KCNQ3: variants seen among roughly 807,000 people sequenced by gnomAD.
KCNQ3 encodes potassium voltage-gated channel subfamily Q member 3.
KCNQ3 carries 30 observed loss-of-function variants against 92.5 expected under a neutral mutation model. That is an observed-to-expected ratio of 0.32 (90% CI 0.24 to 0.44). The LOEUF is 0.44. KCNQ3 is among the 20% of genes least tolerant of loss of function. KCNQ3 has a pLI of 1.00. For synonymous variants in KCNQ3, 450 were observed against 468.8 expected (o/e 0.96, Z 0.52); for missense variants, 913 against 1,140.3 (o/e 0.80, Z 2.87).
chr8:132,451,234 CTT>C (rs1004200041), intron 1 of KCNQ3, among the ~76,000 whole-genome samples: 17 of 152,322 alleles, frequency 1.1e-4, no homozygotes, highest in Admixed American at 9.8e-4. Flanking sequence ...TAAAACGTGA[CTT>C]TGCTTCTCCT....
Position 132,129,035 on chromosome 8 carries a change from T to A in KCNQ3, c.*227A>T, listed in dbSNP as rs1280573283. On this transcript the variant is annotated 3_prime_UTR_variant, in exon 15 of 15. Transcript: ENST00000388996. The surrounding 1 kb of genome is among the most constrained non-coding windows in gnomAD (Gnocchi z 5.9). ...ATCCTAGAAGAGATTAGCGGAACCA[T>A]TTATATAGTGTAAAGTCATGCAAAC... is the stretch of plus-strand genomic sequence containing the variant. The A allele has an allele frequency of 5.2e-6, 3 of 581,824 alleles. No homozygotes were observed. Among genetic ancestry groups the A allele is most frequent in the Admixed American group, 3.0e-5 (1 of 33,328 alleles). 36.0% of individuals were successfully genotyped at this position (581,824 alleles called of 1,614,324 possible).
At chr8:132,453,157 G>A (rs146135840) in intron 1 of KCNQ3, among the ~76,000 whole-genome samples, 274 of 152,290 alleles carry the variant, frequency 1.8e-3, no homozygotes, top group African/African-American at 6.3e-3. Flanking sequence ...ATGGTGATCT[G>A]GAGAGCAGAA....
At chr8:132,137,761 G>T in intron 12 of KCNQ3, 124 bp downstream of exon 12, 2 of 1,201,770 alleles carry the variant, frequency 1.7e-6, no homozygotes, top group Non-Finnish European at 1.2e-6. Flanking sequence ...AAGGCTTCGT[G>T]GATATTTGTC....
rs1826607048 is a variant in KCNQ3, at chr8:132,177,588, A to G, written c.778-1980T>C. Among the ~76,000 whole-genome samples, 4 of 152,192 alleles carry G rather than the reference A, an allele frequency of 2.6e-5. No individual in the cohort carries two copies. In the South Asian group the frequency reaches 6.2e-4, roughly 24 times the overall value. ...CATCGGATACACTGTAAGCCAGAAG[A>G]CGTCTAGGTTTTTGTGCTGGGTGGT... On this transcript the variant is annotated intron_variant, in intron 4 of 14. Transcript: ENST00000388996.
At chr8:132,146,881 C>CAAGCCTGGCTAATT (rs1825466210) in intron 9 of KCNQ3, among the ~76,000 whole-genome samples, 1 of 152,164 alleles carries the variant, frequency 6.6e-6, no homozygotes, top group African/African-American at 2.4e-5. Context: ...TAGTTTCAAA[C>CAAGCCTGGCTAATT]TCTTGAGCTC....
At position 132,218,591 on chromosome 8, in the gene KCNQ3, C is replaced by A. The variant is rs1814118059; in HGVS notation, c.387-32410G>T. ...ACAAATACCTGGAAAGTTTTATTAT[C>A]CCCATTTTACAGGTGAGAAAAACTA... On this transcript the variant is annotated intron_variant, in intron 1 of 14. Coordinates refer to ENST00000388996, the MANE Select transcript of KCNQ3 (RefSeq NM_004519.4). Among the ~76,000 whole-genome samples the A allele has an allele frequency of 2.6e-5, 4 of 152,124 alleles. No individual in the cohort carries two copies. In the South Asian group the frequency reaches 8.3e-4, roughly 32 times the overall value.
At position 132,480,380 on chromosome 8, in the gene KCNQ3, C is replaced by T. The variant is rs1405186695; in HGVS notation, c.153G>A (p.Glu51=). 1.3e-6 allele frequency: 2 copies of T among 1,565,844 alleles called. No homozygotes were observed. Among genetic ancestry groups the T allele is most frequent in the Non-Finnish European group, 8.6e-7 (1 of 1,163,872 alleles). The change falls in exon 1 of 15, where the codon GAG becomes GAA. Residue 51 remains glutamate (E), a synonymous_variant. Coordinates refer to ENST00000388996, the MANE Select transcript of KCNQ3 (RefSeq NM_004519.4). ...CGGCCCCGAGCGCCAAGGTGACTTG[C>T]TCCACGTCGCCGGGCGCCAGCCCCA... The part of the protein sequence containing the change: ...RKVGLAPGDV[E]QVTLALGAGA...
At chr8:132,186,420 A>G in intron 1 of KCNQ3, 2 of 473,550 alleles carry the variant, frequency 4.2e-6, no homozygotes, top group Non-Finnish European at 7.9e-6. Context: ...TTACTTAACC[A>G]GCTAATTAGT....
intron 1 of KCNQ3, among the ~76,000 whole-genome samples, chr8:132,308,512 C>T (rs893989847): frequency 3.3e-5 from 5 of 152,204 alleles, no homozygotes; most frequent in South Asian, 2.1e-4. Flanking sequence ...AGTACAACAG[C>T]AAAAAGAAAA....
At chr8:132,444,360 A>G (rs1051305729) in intron 1 of KCNQ3, among the ~76,000 whole-genome samples, 2 of 152,252 alleles carry the variant, frequency 1.3e-5, no homozygotes, top group East Asian at 3.9e-4. Context: ...TCGTGCTACA[A>G]CTGGGGTCAT....
At chr8:132,148,256 C>CT (rs975510200) in intron 9 of KCNQ3, among the ~76,000 whole-genome samples, 12 of 150,132 alleles carry the variant, frequency 8.0e-5, no homozygotes, top group South Asian at 6.3e-4. Context: ...ATTTCTTTTT[C>CT]TTTTTTTTTT....
In KCNQ3 at chr8:132,298,773, G is replaced by C. The variant is rs532859544; in HGVS notation, c.387-112592C>G. ...AAAGTACAAAAATTTGCTGGGCATG[G>C]TGGCGGGCACCTGTAATCCCAGCTA... On this transcript the variant is annotated intron_variant, in intron 1 of 14. Coordinates refer to ENST00000388996, the MANE Select transcript of KCNQ3 (RefSeq NM_004519.4). 7.0e-4 allele frequency among the ~76,000 whole-genome samples: 106 copies of C among 152,190 alleles called. No individual in the cohort carries two copies. The South Asian group carries it at 8.5e-3, about 12-fold the overall frequency.
At chr8:132,457,741 T>C (rs1821974641) in intron 1 of KCNQ3, among the ~76,000 whole-genome samples, 1 of 152,202 alleles carries the variant, frequency 6.6e-6, no homozygotes, top group Non-Finnish European at 1.5e-5. Context: ...AGCATTACCC[T>C]TACCATCAAC....
At chr8:132,413,767 C>T (rs1820718293) in intron 1 of KCNQ3, among the ~76,000 whole-genome samples, 1 of 152,232 alleles carries the variant, frequency 6.6e-6, no homozygotes, top group South Asian at 2.1e-4. Flanking sequence ...AGATTCACCG[C>T]ATCCATTTTC....
At chr8:132,142,807 C>A (rs1563769869) in intron 9 of KCNQ3, among the ~76,000 whole-genome samples, 1 of 152,142 alleles carries the variant, frequency 6.6e-6, no homozygotes, top group Admixed American at 6.5e-5. Context: ...CTGCTGCTAC[C>A]TTTGAAGCTG....
intron 1 of KCNQ3, among the ~76,000 whole-genome samples, chr8:132,310,043 G>A (rs1817545016): frequency 6.6e-6 from 1 of 152,212 alleles, no homozygotes; most frequent in South Asian, 2.1e-4. Flanking sequence ...TAATAGGAAA[G>A]CCAGACCTTC....
intron 1 of KCNQ3, among the ~76,000 whole-genome samples, chr8:132,267,148 T>C (rs1351082235): frequency 1.3e-5 from 2 of 152,138 alleles, no homozygotes; most frequent in African/African-American, 4.8e-5. Flanking sequence ...GCAGTCATAA[T>C]ACCAAGTGCC....
intron 1 of KCNQ3, among the ~76,000 whole-genome samples, chr8:132,419,215 AC>A (rs1820901610): frequency 6.6e-6 from 1 of 152,276 alleles, no homozygotes; most frequent in Admixed American, 6.5e-5. Context: ...CTGCTGAACA[AC>A]AGTGTTCTCT....
intron 1 of KCNQ3, among the ~76,000 whole-genome samples, chr8:132,462,189 ATTTATTTAT>A (rs1246521663): frequency 6.6e-6 from 1 of 151,680 alleles, no homozygotes; most frequent in Non-Finnish European, 1.5e-5. Flanking sequence ...GTATTTATTT[ATTTATTTAT>A]TTATTTATTT....
Sources: allele counts gnomAD v4.1 joint callset (sites outside exome capture counted in the v4.1 genomes callset), GRCh38; gene constraint gnomAD v4.1.1; non-coding constraint Gnocchi (gnomAD v3.1); transcripts MANE v1.5; gene names NCBI Gene and HGNC (gene_info 2026-07-23, HGNC 2026-07-21).